BICDL1: variants seen among roughly 807,000 people sequenced by gnomAD.
The protein encoded by BICDL1 is BICD family like cargo adaptor 1.
A neutral mutation model predicts 76.8 loss-of-function variants in BICDL1; 20 were observed. That is an observed-to-expected ratio of 0.26 (90% confidence interval 0.18 to 0.38). BICDL1 has a LOEUF of 0.38. Ranked by LOEUF, BICDL1 falls within the 10% of genes least tolerant of loss-of-function variation. BICDL1 has a pLI of 1.00. For synonymous variants in BICDL1, 383 were observed against 337.1 expected (o/e 1.14, Z -1.49); for missense variants, 700 against 798.6 (o/e 0.88, Z 1.49).
chr12:120,092,057 T>C, intron 9 of BICDL1: 7 of 985,356 alleles, frequency 7.1e-6, no homozygotes, highest in Non-Finnish European at 8.4e-6. Flanking sequence ...AGCAGACACA[T>C]GTTACATTTA....
intron 2 of BICDL1, among the ~76,000 whole-genome samples, chr12:120,025,881 A>T (rs1344303334): frequency 6.6e-6 from 1 of 151,904 alleles, no homozygotes; most frequent in African/African-American, 2.4e-5. Flanking sequence ...TCTGTCACCT[A>T]GGCTGGAGTG....
At chr12:119,999,896 AGTGCCGT>A in intron 2 of BICDL1, 1 of 350,856 alleles carries the variant, frequency 2.9e-6, no homozygotes, top group South Asian at 2.3e-5. Context: ...TCATGGGAGC[AGTGCCGT>A]GTCTGCATGG....
rs1951479814 is a variant in BICDL1 at position 119,989,981 on chromosome 12, C to G, written c.113C>G (p.Ala38Gly). The G allele has an allele frequency of 6.8e-7, 1 of 1,467,626 alleles. No homozygotes were observed. The highest frequency in any genetic ancestry group is 2.7e-5 in the East Asian group (1 of 37,608). The allele number at this position is 1,467,626 out of a possible 1,614,324, so 90.9% of individuals were successfully genotyped here. Residue 38 changes from alanine to glycine, a missense_variant, in exon 1 of 10, where the codon GCC becomes GGC. Physicochemically the swap from Ala to Gly is moderately conservative, Grantham distance 60. This residue lies in a region of BICDL1 where 225 missense variants were observed against 199.6 expected (regional missense o/e 1.13). Transcript: ENST00000548673. ...AAAGDAVRSPAAAAALIFPGG... is the reference protein window; with the variant it reads ...AAAGDAVRSPGAAAALIFPGG... ...GCCGGGGACGCAGTCCGGAGTCCCG[C>G]CGCCGCCGCCGCCCTCATCTTCCCC...
intron 2 of BICDL1, among the ~76,000 whole-genome samples, chr12:120,024,788 AG>A (rs1197593925): frequency 6.6e-6 from 1 of 151,802 alleles, no homozygotes; most frequent in African/African-American, 2.4e-5. Context: ...CCCAGGTTCA[AG>A]TGATTGACAG....
chr12:120,043,933 A>G (rs966073087), intron 2 of BICDL1, among the ~76,000 whole-genome samples: 1 of 152,230 alleles, frequency 6.6e-6, no homozygotes, highest in African/African-American at 2.4e-5. Flanking sequence ...AGAGTGTGTG[A>G]TAAGTTCTCT....
intron 9 of BICDL1, chr12:120,091,124 C>A: frequency 8.0e-7 from 1 of 1,251,080 alleles, no homozygotes; most frequent in Admixed American, 2.5e-5. Flanking sequence ...TGGAGCCTGG[C>A]GTCATCTCTG....
Position 120,092,703 on chromosome 12 carries a change from C to A in BICDL1, c.1705-297C>A, listed in dbSNP as rs373143198. The A allele has an allele frequency of 4.5e-5, 44 of 985,426 alleles. No individual in the cohort carries two copies. In the East Asian group the frequency reaches 2.3e-3, roughly 51 times the overall value. The allele number at this position is 985,426 out of a possible 1,614,324, so 61.0% of individuals were successfully genotyped here. Reference sequence around the variant, plus strand: ...AGCAGGTGGAGTGCTAGTGTGGAGACTGCAGGGAGAGACCACCCGAGCCAT... The same window carrying A: ...AGCAGGTGGAGTGCTAGTGTGGAGAATGCAGGGAGAGACCACCCGAGCCAT... On this transcript the variant is annotated intron_variant, in intron 9 of 9. Transcript: ENST00000548673.
At chr12:120,063,088 T>A (rs1953140705) in intron 3 of BICDL1, among the ~76,000 whole-genome samples, 1 of 152,206 alleles carries the variant, frequency 6.6e-6, no homozygotes, top group Admixed American at 6.5e-5. Context: ...AGTTACTTTG[T>A]GTAGCTCCGA....
intron 9 of BICDL1, chr12:120,092,430 G>C: frequency 1.0e-6 from 1 of 985,480 alleles, no homozygotes; most frequent in Non-Finnish European, 1.2e-6. Context: ...CTCAGCAGCA[G>C]GGTCTAGGGC....
At position 119,989,462 on chromosome 12, in the gene BICDL1, G is replaced by GGCAGCAGCAGCAGCAGCAGCAGCA. The variant is rs746391690; in HGVS notation, c.-390_-389insAGCAGCAGCAGCAGCAGCAGCAGC. Among the ~76,000 whole-genome samples, 1 of 146,968 alleles carries GGCAGCAGCAGCAGCAGCAGCAGCA rather than the reference G, an allele frequency of 6.8e-6. No homozygotes were observed. Among genetic ancestry groups the GGCAGCAGCAGCAGCAGCAGCAGCA allele is most frequent in the African/African-American group, 2.5e-5 (1 of 40,436 alleles). Reference sequence around the variant, plus strand: ...CGTGAGGCGCTGCCCGGCCGGCGGCGGCAGCAGCAGCAGCAGCGGCAGCGG... The same window carrying GGCAGCAGCAGCAGCAGCAGCAGCA: ...CGTGAGGCGCTGCCCGGCCGGCGGCGGCAGCAGCAGCAGCAGCAGCAGCAGCAGCAGCAGCAGCAGCGGCAGCGG... On this transcript the variant is annotated 5_prime_UTR_variant, in exon 1 of 10. Coordinates refer to ENST00000548673, the MANE Select transcript of BICDL1 (RefSeq NM_001367886.1).
chr12:120,030,197 A>G (rs888479303), intron 2 of BICDL1, among the ~76,000 whole-genome samples: 1 of 152,218 alleles, frequency 6.6e-6, no homozygotes, highest in East Asian at 1.9e-4. Flanking sequence ...TTTCAAGTAA[A>G]CAATACTGTA....
intron 2 of BICDL1, among the ~76,000 whole-genome samples, chr12:120,047,767 T>C (rs1352523557): frequency 6.6e-6 from 1 of 152,208 alleles, no homozygotes; most frequent in East Asian, 1.9e-4. Flanking sequence ...CTTTGTTTAT[T>C]CTTCCCTTAA....
At chr12:120,070,218 T>C (rs1872983169) in intron 4 of BICDL1, among the ~76,000 whole-genome samples, 1 of 152,248 alleles carries the variant, frequency 6.6e-6, no homozygotes, top group Non-Finnish European at 1.5e-5. Context: ...AAAGTATTCG[T>C]ACATTTTCTA....
chr12:119,989,391 A>G lies in BICDL1; in HGVS notation c.-478A>G, dbSNP rs1951463444. Among the ~76,000 whole-genome samples, 1 of 150,806 alleles carries G rather than the reference A, an allele frequency of 6.6e-6. No homozygotes were observed. The highest frequency in any genetic ancestry group is 1.5e-5 in the Non-Finnish European group (1 of 67,574). ...GCAGAGAGCGGCCGCCGGCAACAGC[A>G]GCAGCAGCAGGAAGCGTCGCGGCGA... On this transcript the variant is annotated 5_prime_UTR_variant, in exon 1 of 10. Coordinates refer to ENST00000548673, the MANE Select transcript of BICDL1 (RefSeq NM_001367886.1).
intron 2 of BICDL1, among the ~76,000 whole-genome samples, chr12:120,009,397 G>A (rs985219600): frequency 2.0e-5 from 3 of 152,126 alleles, no homozygotes; most frequent in Non-Finnish European, 4.4e-5. Context: ...AAAGAGGAAC[G>A]CCTAAAGTTC....
chr12:120,070,753 C>T (rs539269654), intron 4 of BICDL1, among the ~76,000 whole-genome samples: 1 of 143,556 alleles, frequency 7.0e-6, no homozygotes, highest in African/African-American at 2.6e-5. Flanking sequence ...TTTTTTGAGA[C>T]GGAGTTTCAT....
chr12:120,012,476 G>C (rs1951973648), intron 2 of BICDL1, among the ~76,000 whole-genome samples: 1 of 152,168 alleles, frequency 6.6e-6, no homozygotes. Flanking sequence ...GTCATCAGTT[G>C]CTAGGTTACG....
intron 8 of BICDL1, among the ~76,000 whole-genome samples, chr12:120,087,158 T>C (rs1874488371): frequency 6.6e-6 from 1 of 152,244 alleles, no homozygotes; most frequent in Non-Finnish European, 1.5e-5. Flanking sequence ...TGGCAACCGA[T>C]GCCGCGTGAG....
At chr12:120,076,712 CTCAG>C (rs891954461) in intron 7 of BICDL1, among the ~76,000 whole-genome samples, 2 of 152,202 alleles carry the variant, frequency 1.3e-5, no homozygotes, top group Admixed American at 6.5e-5. Flanking sequence ...TTCCCAGATG[CTCAG>C]TCAAAGCAGA....
Sources: allele counts gnomAD v4.1 joint callset (sites outside exome capture counted in the v4.1 genomes callset), GRCh38; gene constraint gnomAD v4.1.1; regional missense constraint gnomAD v4.1.1; transcripts MANE v1.5; gene names NCBI Gene and HGNC (gene_info 2026-07-23, HGNC 2026-07-21).